The following GSPT1 variants were observed in gnomAD, a reference collection of about 807,000 sequenced individuals.
The protein encoded by GSPT1 is G1 to S phase transition 1.
GSPT1 carries 20 observed loss-of-function variants against 72.5 expected under a neutral mutation model. The ratio of observed to expected loss-of-function variants is 0.28; its 90% CI spans 0.19 to 0.40. The LOEUF is 0.40. Ranked by LOEUF, GSPT1 falls within the 10% of genes least tolerant of loss-of-function variation. The pLI is 1.00. For synonymous variants in GSPT1, 334 were observed against 293.5 expected (o/e 1.14, Z -1.41); for missense variants, 580 against 811.9 (o/e 0.71, Z 3.47).
At chr16:11,910,058 T>G (rs1377084564) in intron 1 of GSPT1, among the ~76,000 whole-genome samples, 6 of 152,234 alleles carry the variant, frequency 3.9e-5, no homozygotes, top group Admixed American at 3.3e-4. Context: ...AATCACACAA[T>G]TATACTCCAG....
At chr16:11,906,181 A>C (rs1490837813) in intron 1 of GSPT1, among the ~76,000 whole-genome samples, 2 of 152,112 alleles carry the variant, frequency 1.3e-5, no homozygotes, top group Non-Finnish European at 2.9e-5. Flanking sequence ...TCCTGGGTTC[A>C]GGCATGAGCC....
intron 1 of GSPT1, among the ~76,000 whole-genome samples, chr16:11,910,649 C>T (rs550706427): frequency 2.5e-4 from 38 of 152,320 alleles, no homozygotes; most frequent in Non-Finnish European, 4.3e-4. Flanking sequence ...ATTTCTTCCC[C>T]AGCAAACCAA....
intron 11 of GSPT1, 37 bp downstream of exon 11, chr16:11,882,974 AAATC>A: frequency 7.5e-7 from 1 of 1,328,080 alleles, no homozygotes. Context: ...AAAAGAAAAA[AAATC>A]AATAAATAGA....
At chr16:11,903,464 G>C (rs1282236476) in intron 1 of GSPT1, among the ~76,000 whole-genome samples, 2 of 152,138 alleles carry the variant, frequency 1.3e-5, no homozygotes, top group Admixed American at 6.6e-5. Flanking sequence ...GCAGTGAGCC[G>C]AGATTGCACC....
intron 14 of GSPT1, among the ~76,000 whole-genome samples, chr16:11,874,941 C>T (rs2054022642): frequency 1.3e-5 from 2 of 152,196 alleles, no homozygotes; most frequent in South Asian, 2.1e-4. Context: ...CCTGTAATCC[C>T]AGCACTTTGG....
In GSPT1 at chr16:11,896,817, A is replaced by C. The variant is rs2054345936; in HGVS notation, c.437-32T>G. On this transcript the variant is annotated intron_variant, in intron 3 of 14. Transcript: ENST00000434724. Reference sequence around the variant, plus strand: ...AAAGACATTTTAACTTAGTATTCTGAAAAAGACTTACAATCTATACTTTAA... The same window carrying C: ...AAAGACATTTTAACTTAGTATTCTGCAAAAGACTTACAATCTATACTTTAA... 3 of 1,333,022 alleles carry C rather than the reference A, an allele frequency of 2.3e-6. No homozygotes were observed. The South Asian group carries it at 3.8e-5, about 17-fold the overall frequency. The allele number at this position is 1,333,022 out of a possible 1,614,324, so 82.6% of individuals were successfully genotyped here.
chr16:11,895,138 A>G (rs2054317909), intron 4 of GSPT1, 151 bp from the exon 5 acceptor site: 3 of 579,504 alleles, frequency 5.2e-6, no homozygotes, highest in Non-Finnish European at 9.5e-6. Context: ...CCTTTTGAAA[A>G]TGAGCCTCAA....
At position 11,882,914 on chromosome 16, in the gene GSPT1, G is replaced by A. The variant is rs527242535; in HGVS notation, c.1428+101C>T. 9.6e-5 allele frequency: 69 copies of A among 715,818 alleles called. No individual in the cohort carries two copies. In the South Asian group the frequency reaches 9.7e-4, roughly 10 times the overall value. The allele number at this position is 715,818 out of a possible 1,614,324, so 44.3% of individuals were successfully genotyped here. On this transcript the variant is annotated intron_variant, in intron 11 of 14. Transcript: ENST00000434724. Reference sequence around the variant, plus strand: ...TGAGGCTGCAATAAGCTATGAATGCGCCACTGTACTCCTGCCTCGGTGACA... The same window carrying A: ...TGAGGCTGCAATAAGCTATGAATGCACCACTGTACTCCTGCCTCGGTGACA...
Position 11,899,260 on chromosome 16 carries a change from T to G in GSPT1, c.353-1225A>C, listed in dbSNP as rs78666352. Reference sequence around the variant, plus strand: ...AAGAGAAAGTGTTTTGGGCCCAACCTTCAATAGCATCAAATGTTGAGTAAA... The same window carrying G: ...AAGAGAAAGTGTTTTGGGCCCAACCGTCAATAGCATCAAATGTTGAGTAAA... On this transcript the variant is annotated intron_variant, in intron 1 of 14. Transcript: ENST00000434724. Among the ~76,000 whole-genome samples, 285 of 152,290 alleles carry G rather than the reference T, an allele frequency of 1.9e-3. 6 individuals carry two copies. The East Asian group carries it at 0.05, about 27-fold the overall frequency.
At position 11,901,995 on chromosome 16, in the gene GSPT1, C is replaced by T. The variant is rs1333629950; in HGVS notation, c.353-3960G>A. 2.0e-5 allele frequency among the ~76,000 whole-genome samples: 3 copies of T among 151,046 alleles called. No individual in the cohort carries two copies. In the East Asian group the frequency reaches 5.9e-4, roughly 29 times the overall value. On this transcript the variant is annotated intron_variant, in intron 1 of 14. Coordinates refer to ENST00000434724, the MANE Select transcript of GSPT1 (RefSeq NM_002094.4). ...CCTGTAATCCCAGCTACTTGGGAGG[C>T]TGAGGCAGGAAGCTACCCGGGAGGC...
intron 6 of GSPT1, among the ~76,000 whole-genome samples, chr16:11,890,034 C>T (rs1471430576): frequency 6.6e-6 from 1 of 151,252 alleles, no homozygotes; most frequent in Non-Finnish European, 1.5e-5. Context: ...AATCTCGGCT[C>T]ACTGCAACCT....
At chr16:11,907,220 C>T (rs2054500863) in intron 1 of GSPT1, among the ~76,000 whole-genome samples, 1 of 152,228 alleles carries the variant, frequency 6.6e-6, no homozygotes, top group South Asian at 2.1e-4. Context: ...TCCAAGCTCA[C>T]AGGTCCAGTT....
At chr16:11,916,277 G>T (rs2075151), upstream of GSPT1, among the ~76,000 whole-genome samples, 13,858 of 149,286 alleles carry the variant, frequency 0.093, 1,171 homozygotes, top group African/African-American at 0.21. Context: ...GTCACCTGGT[G>T]GGGGGGCAGC....
Position 11,915,495 on chromosome 16 carries a change from A to T in GSPT1, c.226T>A (p.Phe76Ile). The change falls in exon 1 of 15, where the codon TTC becomes ATC. Residue 76 changes from phenylalanine to isoleucine, a missense_variant. By Grantham distance (21) the Phe-to-Ile change is conservative (BLOSUM62 0). This residue lies in a region of GSPT1 where 327 missense variants were observed against 298.8 expected (regional missense o/e 1.09). Transcript: ENST00000434724. ...SRQLNVNAKP[F>I]VPNVHAAEFV... is the part of the protein sequence containing the mutation. ...TCGGCGGCGTGGACGTTGGGCACGA[A>T]GGGCTTGGCGTTGACGTTGAGTTGC... 6.4e-7 allele frequency: 1 copy of T among 1,551,362 alleles called. No individual in the cohort carries two copies. Among genetic ancestry groups the T allele is most frequent in the Non-Finnish European group, 8.7e-7 (1 of 1,150,906 alleles).
At chr16:11,909,866 C>T (rs12149833) in intron 1 of GSPT1, among the ~76,000 whole-genome samples, 65,369 of 151,848 alleles carry the variant, frequency 0.43, 16,873 homozygotes, top group Non-Finnish European at 0.59. Flanking sequence ...GCAGAGGTTA[C>T]GGTGAGCCGA....
intron 1 of GSPT1, among the ~76,000 whole-genome samples, chr16:11,912,167 A>C (rs144583034): frequency 0.011 from 1,619 of 151,268 alleles, 29 homozygotes; most frequent in African/African-American, 0.037. Flanking sequence ...ACATGGTGAA[A>C]CCCCATCCCT....
intron 10 of GSPT1, among the ~76,000 whole-genome samples, chr16:11,884,308 T>C (rs542794945): frequency 6.6e-6 from 1 of 152,330 alleles, no homozygotes; most frequent in South Asian, 2.1e-4. Flanking sequence ...AGAAAATCCT[T>C]TGAGCCCAGC....
chr16:11,887,611 T>C lies in GSPT1; in HGVS notation c.916A>G (p.Asn306Asp). 2 of 1,614,074 alleles carry C rather than the reference T, an allele frequency of 1.2e-6. No homozygotes were observed. The highest frequency in any genetic ancestry group is 1.7e-6 in the Non-Finnish European group (2 of 1,179,972). ...DAPGHKSFVP[N>D]MIGGASQADL... ...GCTTGAGAGGCACCACCAATCATAT[T>C]TGGGACAAAACTCTTGTGGCCAGGG... The change falls in exon 7 of 15, where the codon AAT becomes GAT. Residue 306 changes from asparagine to aspartate, a missense_variant. Asn to Asp is a conservative substitution (Grantham distance 23, BLOSUM62 1). Around this residue, in one of 6 missense-constraint regions of GSPT1, gnomAD observed 51 missense variants for 118.2 expected, o/e 0.43. Coordinates refer to ENST00000434724, the MANE Select transcript of GSPT1 (RefSeq NM_002094.4).
intron 6 of GSPT1, among the ~76,000 whole-genome samples, chr16:11,889,174 G>A (rs1332016528): frequency 6.6e-6 from 1 of 151,660 alleles, no homozygotes; most frequent in African/African-American, 2.4e-5. Context: ...CAGGCGTGGT[G>A]GCGGGTGCCT....
Sources: allele counts gnomAD v4.1 joint callset (sites outside exome capture counted in the v4.1 genomes callset), GRCh38; gene constraint gnomAD v4.1.1; regional missense constraint gnomAD v4.1.1; transcripts MANE v1.5; gene names NCBI Gene and HGNC (gene_info 2026-07-23, HGNC 2026-07-21).